Variants in DUT observed in about 807,000 individuals in gnomAD.
DUT encodes the protein deoxyuridine triphosphatase, also known as deoxyuridine 5'-triphosphate nucleotidohydrolase, mitochondrial.
DUT carries 21 observed loss-of-function variants against 28.8 expected under a neutral mutation model. The ratio of observed to expected loss-of-function variants is 0.73; its 90% confidence interval spans 0.52 to 1.05. The LOEUF (loss-of-function observed/expected upper bound fraction) is 1.05, where lower values mean the gene tolerates loss of function less well. Among genes scored for constraint, DUT ranks in the 50% least tolerant of loss-of-function variants. The pLI is 0.00. For synonymous variants in DUT, 147 were observed against 143.7 expected, an observed-to-expected ratio of 1.02 and a Z score of -0.17; for missense variants, 344 against 351.8, an observed-to-expected ratio of 0.98 and a Z score of 0.18.
At chr15:48,341,258 A>G (rs1411174429) in intron 4 of DUT, 31 bp from the exon 5 acceptor site, 2 of 1,429,360 alleles carry the variant, frequency 1.4e-6, no homozygotes, top group Non-Finnish European at 1.9e-6. Flanking sequence ...AATAGCAAAA[A>G]TTGAGATAAT....
Position 48,342,148 on chromosome 15 carries a change from C to G in DUT, c.*70C>G. The G allele has an allele frequency of 8.6e-7, 1 of 1,160,230 alleles. No individual in the cohort carries two copies. Among genetic ancestry groups the G allele is most frequent in the Non-Finnish European group, 1.2e-6 (1 of 851,388 alleles). The allele number at this position is 1,160,230 out of a possible 1,614,324, so 71.9% of individuals were successfully genotyped here. The stretch of plus-strand genomic sequence containing the variant: ...AAAAAAAAAAAAAAAGTTTTTGCTT[C>G]AAGTGTTTTGGTGTTTTGCACTTCT... On this transcript the variant is annotated 3_prime_UTR_variant, in exon 7 of 7. Coordinates refer to ENST00000331200, the MANE Select transcript of DUT (RefSeq NM_001025248.2).
chr15:48,337,492 A>T (rs186882895), intron 4 of DUT, among the ~76,000 whole-genome samples: 1 of 152,194 alleles, frequency 6.6e-6, no homozygotes, highest in African/African-American at 2.4e-5. Context: ...CTCTAGAGGT[A>T]GGAGGATTAA....
chr15:48,331,229 C>T, upstream of DUT: 1 of 1,492,046 alleles, frequency 6.7e-7, no homozygotes, highest in Non-Finnish European at 8.9e-7. Flanking sequence ...GCCTGGCGTA[C>T]ACTCTCGGAA....
intron 2 of DUT, chr15:48,332,607 CTA>C: frequency 1.4e-6 from 1 of 704,548 alleles, no homozygotes. Flanking sequence ...AGTAAAATAG[CTA>C]TACGGTGTCT....
intron 4 of DUT, among the ~76,000 whole-genome samples, chr15:48,338,860 G>A (rs2042501256): frequency 6.6e-6 from 1 of 152,184 alleles, no homozygotes; most frequent in African/African-American, 2.4e-5. Flanking sequence ...GTACAGGTTG[G>A]GCGTTGTGGC....
upstream of DUT, chr15:48,331,184 C>A (rs1333077318): frequency 3.3e-6 from 5 of 1,518,834 alleles, no homozygotes; most frequent in Non-Finnish European, 3.5e-6. Flanking sequence ...CGGGCGGTGC[C>A]GCCCCAGGTA....
At position 48,331,801 on chromosome 15, in the gene DUT, A is replaced by C; in HGVS notation, c.280+6A>C. 1 of 1,357,374 alleles carries C rather than the reference A, an allele frequency of 7.4e-7. No individual in the cohort carries two copies. Among genetic ancestry groups the C allele is most frequent in the Middle Eastern group, 2.6e-4 (1 of 3,830 alleles). 84.1% of individuals were successfully genotyped at this position (1,357,374 alleles called of 1,614,324 possible). On this transcript the variant is annotated splice_donor_region_variant and intron_variant, in intron 1 of 6. Coordinates refer to ENST00000331200, the MANE Select transcript of DUT (RefSeq NM_001025248.2). ...AAGCCCGGCGCCGGGGCCGGGTAGG[A>C]AAGGCGGGGGAGGGGCTCCGGCCGT...
rs779451035 is a variant in DUT, at chr15:48,331,542, G to A, written c.27G>A (p.Ala9=). 6.2e-7 allele frequency: 1 copy of A among 1,611,436 alleles called. No homozygotes were observed. MTPLCPRP[A]LCYHFLTSLL... is the part of the protein sequence containing the mutation. Reference sequence around the variant, plus strand: ...TGACTCCCCTCTGCCCTCGCCCCGCGCTCTGCTACCATTTCCTTACGTCTC... The same window carrying A: ...TGACTCCCCTCTGCCCTCGCCCCGCACTCTGCTACCATTTCCTTACGTCTC... Residue 9 remains alanine (A), a synonymous_variant, in exon 1 of 7, where the codon GCG becomes GCA. Coordinates refer to ENST00000331200, the MANE Select transcript of DUT (RefSeq NM_001025248.2).
chr15:48,331,328 G>GTCT (rs1262932130), upstream of DUT: 97 of 1,441,340 alleles, frequency 6.7e-5, no homozygotes, highest in Non-Finnish European at 8.5e-5. Context: ...CAACGGCGCC[G>GTCT]TCTTCCTGGG....
chr15:48,331,794 G>C lies in DUT; in HGVS notation c.279G>C (p.Pro93=). 2.9e-6 allele frequency: 4 copies of C among 1,370,818 alleles called. No individual in the cohort carries two copies. The highest frequency in any genetic ancestry group is 3.7e-6 in the Non-Finnish European group (4 of 1,068,196). 84.9% of individuals were successfully genotyped at this position (1,370,818 alleles called of 1,614,324 possible). ...PKAGGSPAPG[P]ETPAISPSKR... ...CGGGGGGAAGCCCGGCGCCGGGGCC[G>C]GGTAGGAAAGGCGGGGGAGGGGCTC... Residue 93 remains proline, a splice_region_variant and synonymous_variant, in exon 1 of 7, where the codon CCG becomes CCC. Transcript: ENST00000331200.
In DUT at chr15:48,331,696, G is replaced by GGCCGCCTGAGCCAAGGCT. The variant is rs1195150296; in HGVS notation, c.187_204dup (p.Leu63_Arg68dup). ...GATTCCCCGGCCGCTGTCCAGCGCTGGCCGCCTGAGCCAAGGCTGCCGCGG... is the reference window on the plus strand; with the variant it reads ...GATTCCCCGGCCGCTGTCCAGCGCTGGCCGCCTGAGCCAAGGCTGCCGCCTGAGCCAAGGCTGCCGCGG... On this transcript the variant is annotated inframe_insertion, in exon 1 of 7. Coordinates refer to ENST00000331200, the MANE Select transcript of DUT (RefSeq NM_001025248.2). The GGCCGCCTGAGCCAAGGCT allele has an allele frequency of 6.6e-7, 1 of 1,519,418 alleles. No homozygotes were observed. The highest frequency in any genetic ancestry group is 8.8e-7 in the Non-Finnish European group (1 of 1,134,672). 94.1% of individuals were successfully genotyped at this position (1,519,418 alleles called of 1,614,324 possible).
chr15:48,331,800 G>GAAA lies in DUT; in HGVS notation c.280+6_280+8dup. On this transcript the variant is annotated splice_donor_region_variant and intron_variant, in intron 1 of 6. Coordinates refer to ENST00000331200, the MANE Select transcript of DUT (RefSeq NM_001025248.2). Reference sequence around the variant, plus strand: ...GAAGCCCGGCGCCGGGGCCGGGTAGGAAAGGCGGGGGAGGGGCTCCGGCCG... The same window carrying GAAA: ...GAAGCCCGGCGCCGGGGCCGGGTAGGAAAAAAGGCGGGGGAGGGGCTCCGGCCG... 1 of 1,367,284 alleles carries GAAA rather than the reference G, an allele frequency of 7.3e-7. No individual in the cohort carries two copies. The allele number at this position is 1,367,284 out of a possible 1,614,324, so 84.7% of individuals were successfully genotyped here. A position where few individuals can be genotyped will look rare whatever the true frequency, so the allele number is the denominator to read the frequency against.
chr15:48,342,157 T>C lies in DUT; in HGVS notation c.*79T>C. 8.9e-7 allele frequency: 1 copy of C among 1,124,038 alleles called. No homozygotes were observed. The allele number at this position is 1,124,038 out of a possible 1,614,324, so 69.6% of individuals were successfully genotyped here. On this transcript the variant is annotated 3_prime_UTR_variant, in exon 7 of 7. Transcript: ENST00000331200. ...AAAAAAGTTTTTGCTTCAAGTGTTT[T>C]GGTGTTTTGCACTTCTGTAAACTTA...
In DUT at chr15:48,342,394, T is replaced by TA. The variant is rs568698068; in HGVS notation, c.*326dup. On this transcript the variant is annotated 3_prime_UTR_variant, in exon 7 of 7. Transcript: ENST00000331200. Reference sequence around the variant, plus strand: ...AATCAAATGTAAATCAATTACAGATTAAAAAAAAAAGCCTGTATTTAACTC... The same window carrying TA: ...AATCAAATGTAAATCAATTACAGATTAAAAAAAAAAAGCCTGTATTTAACTC... The TA allele has an allele frequency of 7.7e-4, 124 of 161,264 alleles. No homozygotes were observed. The highest frequency in any genetic ancestry group is 2.9e-3 in the South Asian group (14 of 4,808). 10.0% of individuals were successfully genotyped at this position (161,264 alleles called of 1,614,324 possible).
Position 48,342,211 on chromosome 15 carries a change from T to C in DUT, c.*133T>C. On this transcript the variant is annotated 3_prime_UTR_variant, in exon 7 of 7. Coordinates refer to ENST00000331200, the MANE Select transcript of DUT (RefSeq NM_001025248.2). ...GCTTTACCTTCTAAAAGTACTGCAT[T>C]TTTTACTTTTTTTTATGATCAAGGA... The C allele has an allele frequency of 2.2e-6, 1 of 446,616 alleles. No homozygotes were observed. Among genetic ancestry groups the C allele is most frequent in the Non-Finnish European group, 3.9e-6 (1 of 257,632 alleles). 27.7% of individuals were successfully genotyped at this position (446,616 alleles called of 1,614,324 possible). A position where few individuals can be genotyped will look rare whatever the true frequency, so the allele number is the denominator to read the frequency against.
At chr15:48,332,000 G>C in intron 1 of DUT, 3 of 918,206 alleles carry the variant, frequency 3.3e-6, no homozygotes, top group Non-Finnish European at 4.5e-6. Context: ...TTGGCCCCAC[G>C]CGCTGAATGT....
At chr15:48,336,126 C>G (rs1336034102) in intron 4 of DUT, 36 bp downstream of exon 4, 1 of 1,512,876 alleles carries the variant, frequency 6.6e-7, no homozygotes, top group African/African-American at 1.4e-5. Flanking sequence ...TAAATGTTTG[C>G]AAGTATTTAC....
intron 4 of DUT, among the ~76,000 whole-genome samples, chr15:48,339,054 T>TA (rs2042503510): frequency 6.6e-6 from 1 of 152,112 alleles, no homozygotes; most frequent in South Asian, 2.1e-4. Flanking sequence ...AGGTTGAGGC[T>TA]ATAGTGAGTT....
intron 4 of DUT, among the ~76,000 whole-genome samples, chr15:48,338,375 A>G (rs2042496289): frequency 6.6e-6 from 1 of 152,192 alleles, no homozygotes; most frequent in African/African-American, 2.4e-5. Flanking sequence ...TGCTTTACAG[A>G]TACGTTAGCA....
Sources: allele counts gnomAD v4.1 joint callset (sites outside exome capture counted in the v4.1 genomes callset), GRCh38; gene constraint gnomAD v4.1.1; transcripts MANE v1.5; gene names NCBI Gene and HGNC (gene_info 2026-07-23, HGNC 2026-07-21).